Variants in TTC12 observed in about 807,000 individuals in gnomAD.
The protein encoded by TTC12 is tetratricopeptide repeat domain 12, also known as tetratricopeptide repeat protein 12.
TTC12 carries 70 observed loss-of-function variants against 90.1 expected under a neutral mutation model. The ratio of observed to expected loss-of-function variants is 0.78; its 90% CI spans 0.64 to 0.95. The LOEUF is 0.95. Among genes scored for constraint, TTC12 ranks in the 40% least tolerant of loss-of-function variants. TTC12 has a pLI of 0.00. For missense variants in TTC12, 819 were observed against 846.1 expected (o/e 0.97, Z 0.40); for synonymous variants, 296 against 311.5 (o/e 0.95, Z 0.53).
intron 13 of TTC12, among the ~76,000 whole-genome samples, chr11:113,346,355 T>G (rs1261843401): frequency 4.6e-5 from 7 of 152,164 alleles, no homozygotes; most frequent in African/African-American, 9.7e-5. Flanking sequence ...TGCTGCATTG[T>G]GCAGAATACT....
At chr11:113,336,730 A>G (rs1948390090) in intron 8 of TTC12, among the ~76,000 whole-genome samples, 1 of 152,312 alleles carries the variant, frequency 6.6e-6, no homozygotes, top group East Asian at 1.9e-4. Context: ...TCCTTGTGCC[A>G]GTACCACAGT....
At chr11:113,339,192 C>A in intron 9 of TTC12, 94 bp from the exon 10 acceptor site, 1 of 1,026,566 alleles carries the variant, frequency 9.7e-7, no homozygotes, top group South Asian at 1.7e-5. Context: ...TCTCAAACTC[C>A]CATCCTCAAA....
chr11:113,326,740 C>T (rs1057508244), intron 6 of TTC12, among the ~76,000 whole-genome samples: 2 of 152,080 alleles, frequency 1.3e-5, no homozygotes, highest in African/African-American at 4.8e-5. Flanking sequence ...GGAAGTGAAT[C>T]GGTAAAAAAG....
rs146935700 is a variant in TTC12 at position 113,364,669 on chromosome 11, T to C, written c.1817-166T>C. On this transcript the variant is annotated intron_variant, in intron 20 of 21. Transcript: ENST00000529221. ...CAGCAAGGAGTTGAGGAGGTTCATA[T>C]GCATTCAGTGAATGTTTGCTGATGA... 1.9e-4 allele frequency: 120 copies of C among 627,216 alleles called. No individual in the cohort carries two copies. In the African/African-American group the frequency reaches 2.1e-3, roughly 11 times the overall value. The allele number at this position is 627,216 out of a possible 1,614,324, so 38.9% of individuals were successfully genotyped here.
At chr11:113,367,781 G>A (rs1039380258), downstream of TTC12, among the ~76,000 whole-genome samples, 6 of 152,316 alleles carry the variant, frequency 3.9e-5, no homozygotes, top group South Asian at 2.1e-4. Context: ...GATGTACTGC[G>A]CATGGCTGGA....
chr11:113,350,597 ACCT>A (rs1555149855), intron 14 of TTC12, among the ~76,000 whole-genome samples: 1 of 151,416 alleles, frequency 6.6e-6, no homozygotes, highest in South Asian at 2.1e-4. Context: ...ATGAGTAATG[ACCT>A]CCTTCTGCCC....
chr11:113,338,648 CCT>C (rs1948508729), intron 8 of TTC12, 124 bp from the exon 9 acceptor site: 2 of 669,120 alleles, frequency 3.0e-6, no homozygotes, highest in Admixed American at 5.2e-5. Flanking sequence ...ATGCCTGTCT[CCT>C]GCACTGGGAG....
chr11:113,333,206 A>G (rs969035375), intron 7 of TTC12, among the ~76,000 whole-genome samples: 2 of 152,006 alleles, frequency 1.3e-5, no homozygotes, highest in Admixed American at 6.6e-5. Context: ...ATTTAGCTCA[A>G]GATGGGGTCT....
In TTC12 at chr11:113,340,691, A is replaced by G. The variant is rs781888970; in HGVS notation, c.854A>G (p.His285Arg). ...ECTEQTLFRM[H>R]NGFSIISDNE... ...ACAGAACAAACTTTATTCAGAATGC[A>G]CAATGGATTTAGTATCATCAGTGAC... is the stretch of plus-strand genomic sequence containing the variant. Residue 285 changes from histidine (H) to arginine (R), a missense_variant, in exon 11 of 22, where the codon CAC becomes CGC. By Grantham distance (29) the His-to-Arg change is conservative. Transcript: ENST00000529221. The G allele has an allele frequency of 5.0e-6, 8 of 1,614,024 alleles. No homozygotes were observed. Among genetic ancestry groups the G allele is most frequent in the Non-Finnish European group, 6.8e-6 (8 of 1,179,994 alleles).
chr11:113,344,309 G>A lies in TTC12; in HGVS notation c.1023G>A (p.Arg341=). 2 of 1,614,082 alleles carry A rather than the reference G, an allele frequency of 1.2e-6. No homozygotes were observed. Among genetic ancestry groups the A allele is most frequent in the African/African-American group, 1.3e-5 (1 of 75,048 alleles). ...GTGTGCTAGTGATACACCATGACAG[G>A]GCCAGGCTGTTGGCCGCCCTCTTGT... ...NQRVLVIHHD[R]ARLLAALLSS... Residue 341 remains arginine (R), a synonymous_variant, in exon 13 of 22, where the codon AGG becomes AGA. Coordinates refer to ENST00000529221, the MANE Select transcript of TTC12 (RefSeq NM_017868.4).
chr11:113,361,954 T>TA (rs35243476), intron 18 of TTC12, among the ~76,000 whole-genome samples: 49,289 of 137,752 alleles, frequency 0.36, 9,721 homozygotes, highest in Non-Finnish European at 0.47. Context: ...GGCATTTATT[T>TA]AAAAAAAAAA....
At chr11:113,371,985 G>T (rs1950398478) in intron 21 of TTC12, among the ~76,000 whole-genome samples, 1 of 152,160 alleles carries the variant, frequency 6.6e-6, no homozygotes, top group Non-Finnish European at 1.5e-5. Context: ...TCCATAGATG[G>T]CCCCACCCGG....
rs1555139365 is a variant in TTC12 at position 113,323,328 on chromosome 11, G to A, written c.99G>A (p.Val33=). The change falls in exon 3 of 22, where the codon GTG becomes GTA. Residue 33 remains valine (V), a synonymous_variant. Coordinates refer to ENST00000529221, the MANE Select transcript of TTC12 (RefSeq NM_017868.4). ...AGATGAATTCTGATGACCCAGTTGT[G>A]CAACAGAAAGCTGTCCTGGAGACAG... is the stretch of plus-strand genomic sequence containing the variant. ...IQEMNSDDPV[V]QQKAVLETEK... 1.2e-6 allele frequency: 2 copies of A among 1,607,530 alleles called. No individual in the cohort carries two copies. Among genetic ancestry groups the A allele is most frequent in the South Asian group, 1.1e-5 (1 of 89,484 alleles).
At chr11:113,329,537 C>T in intron 6 of TTC12, 1 of 459,194 alleles carries the variant, frequency 2.2e-6, no homozygotes, top group South Asian at 1.6e-5. Context: ...TTCTCCTGGC[C>T]TTCGGCTCTG....
intron 18 of TTC12, among the ~76,000 whole-genome samples, chr11:113,361,348 A>G (rs79652737): frequency 0.022 from 3,341 of 152,336 alleles, 126 homozygotes; most frequent in African/African-American, 0.077. Flanking sequence ...ATGGTTACCA[A>G]TAGGTAAGTA....
intron 11 of TTC12, 141 bp downstream of exon 11, chr11:113,340,874 T>G (rs1323426292): frequency 3.0e-6 from 2 of 676,896 alleles, no homozygotes; most frequent in African/African-American, 3.6e-5. Context: ...TCTCCAGGAG[T>G]GCAAAGCTAC....
At chr11:113,333,483 AT>A (rs1288226563) in intron 7 of TTC12, among the ~76,000 whole-genome samples, 1 of 151,712 alleles carries the variant, frequency 6.6e-6, no homozygotes, top group African/African-American at 2.4e-5. Flanking sequence ...TCTGAAGGAG[AT>A]TTGGTGTCAT....
intron 16 of TTC12, among the ~76,000 whole-genome samples, chr11:113,355,163 A>G (rs782725297): frequency 3.9e-5 from 6 of 151,908 alleles, no homozygotes; most frequent in Non-Finnish European, 7.4e-5. Context: ...CAGGGATTCA[A>G]TTTTTTTCCT....
intron 6 of TTC12, among the ~76,000 whole-genome samples, chr11:113,328,664 G>A (rs1291057292): frequency 9.2e-5 from 14 of 152,042 alleles, no homozygotes; most frequent in East Asian, 1.9e-4. Context: ...CCCTTTTATA[G>A]TACACAATTT....
Sources: gnomAD v4.1 joint callset for allele counts (sites outside exome capture counted in the v4.1 genomes callset) on GRCh38, gnomAD v4.1.1 for gene constraint, MANE v1.5 for transcripts, NCBI Gene and HGNC (gene_info 2026-07-23, HGNC 2026-07-21) for gene names.